RAPGEF1: variants seen among roughly 807,000 people sequenced by gnomAD.
RAPGEF1 encodes the protein Rap guanine nucleotide exchange factor 1.
A neutral mutation model predicts 143.3 loss-of-function variants in RAPGEF1; 33 were observed. The observed-to-expected ratio is 0.23, with a 90% confidence interval of 0.17 to 0.31. The LOEUF is 0.31. RAPGEF1 is among the 10% of genes least tolerant of loss of function. RAPGEF1 has a pLI of 1.00. For synonymous variants in RAPGEF1, 629 were observed against 676.5 expected (o/e 0.93, Z 1.09); for missense variants, 1,199 against 1,645.4 (o/e 0.73, Z 4.69).
intron 1 of RAPGEF1, among the ~76,000 whole-genome samples, chr9:131,706,335 T>A (rs1232251718): frequency 1.3e-5 from 2 of 152,068 alleles, no homozygotes; most frequent in Non-Finnish European, 2.9e-5. Context: ...CAATCTTGAC[T>A]CACTGCAACC....
chr9:131,610,835 G>A (rs1404286318), intron 12 of RAPGEF1, among the ~76,000 whole-genome samples: 1 of 152,188 alleles, frequency 6.6e-6, no homozygotes, highest in African/African-American at 2.4e-5. Flanking sequence ...TGTCTGGGGA[G>A]AAAAGCTTAT....
intron 6 of RAPGEF1, among the ~76,000 whole-genome samples, chr9:131,629,792 C>CA (rs1207993452): frequency 1.7e-3 from 245 of 146,440 alleles, no homozygotes; most frequent in African/African-American, 4.7e-3. Context: ...GTCTCAAAAA[C>CA]AAAAAAAAAA....
intron 1 of RAPGEF1, among the ~76,000 whole-genome samples, chr9:131,701,515 G>A (rs907839039): frequency 2.6e-5 from 4 of 152,132 alleles, no homozygotes; most frequent in African/African-American, 9.7e-5. Flanking sequence ...TGGCAAATAG[G>A]AAGCCACTGG....
chr9:131,596,510 CAGG>C, intron 16 of RAPGEF1, 137 bp from the exon 17 acceptor site: 1 of 872,724 alleles, frequency 1.1e-6, no homozygotes, highest in Admixed American at 2.1e-5. Context: ...CTCCTCGGCC[CAGG>C]AGCAGTGTGG....
At chr9:131,618,271 A>G (rs1252180155) in intron 12 of RAPGEF1, among the ~76,000 whole-genome samples, 1 of 152,258 alleles carries the variant, frequency 6.6e-6, no homozygotes, top group Non-Finnish European at 1.5e-5. Flanking sequence ...TGGAAGTGAC[A>G]GACTACATGG....
rs938711912 is a variant in RAPGEF1 at position 131,628,764 on chromosome 9, T to C, written c.894-92A>G. ...GGGTACAGGATGTGGGGTTCTTTCA[T>C]TACTAGACTCTCCACACCCAATGTT... On this transcript the variant is annotated intron_variant, in intron 7 of 26. Transcript: ENST00000683357. The surrounding 1 kb of genome is among the most constrained non-coding windows in gnomAD (Gnocchi z 5.7). 1.2e-5 allele frequency: 17 copies of C among 1,468,612 alleles called. No homozygotes were observed. Among genetic ancestry groups the C allele is most frequent in the East Asian group, 2.3e-5 (1 of 43,398 alleles). 91.0% of individuals were successfully genotyped at this position (1,468,612 alleles called of 1,614,324 possible).
intron 12 of RAPGEF1, among the ~76,000 whole-genome samples, chr9:131,607,495 C>G (rs1028096645): frequency 1.4e-4 from 21 of 152,184 alleles, no homozygotes; most frequent in African/African-American, 5.1e-4. Flanking sequence ...TGCCTGCACA[C>G]AGCAAGCCTC....
chr9:131,597,019 C>A (rs1955419877), intron 16 of RAPGEF1, among the ~76,000 whole-genome samples: 1 of 152,200 alleles, frequency 6.6e-6, no homozygotes, highest in Admixed American at 6.5e-5. Context: ...AGTCTTGCTT[C>A]CATGTGGGCA....
chr9:131,669,446 C>T (rs1258147151), intron 1 of RAPGEF1, among the ~76,000 whole-genome samples: 4 of 152,098 alleles, frequency 2.6e-5, no homozygotes, highest in East Asian at 1.9e-4. Context: ...TCAGACACTG[C>T]GTGGCATCCT....
At chr9:131,689,587 G>A (rs932785210) in intron 1 of RAPGEF1, among the ~76,000 whole-genome samples, 1 of 151,324 alleles carries the variant, frequency 6.6e-6, no homozygotes, top group Non-Finnish European at 1.5e-5. Context: ...TGCCCAGGCT[G>A]AAGTGCAGTG....
At chr9:131,721,109 A>G (rs1836232342) in intron 1 of RAPGEF1, among the ~76,000 whole-genome samples, 1 of 152,166 alleles carries the variant, frequency 6.6e-6, no homozygotes, top group South Asian at 2.1e-4. Context: ...CGCAGACTCC[A>G]TGGACTTGAC....
chr9:131,635,137 C>T (rs1050173269), intron 5 of RAPGEF1, among the ~76,000 whole-genome samples: 1 of 152,100 alleles, frequency 6.6e-6, no homozygotes, highest in Non-Finnish European at 1.5e-5. Context: ...CACTGTGAGC[C>T]GTTAGAAATG....
intron 10 of RAPGEF1, among the ~76,000 whole-genome samples, chr9:131,622,353 G>A (rs1362730516): frequency 1.3e-5 from 2 of 152,220 alleles, no homozygotes; most frequent in African/African-American, 4.8e-5. Context: ...GCTGCCAGGT[G>A]GAGCTGAGAT....
rs1486703522 is a variant in RAPGEF1, at chr9:131,578,100, T to C, written c.*1397A>G. On this transcript the variant is annotated 3_prime_UTR_variant, in exon 27 of 27. Coordinates refer to ENST00000683357, the MANE Select transcript of RAPGEF1 (RefSeq NM_001377935.1). ...TAAACCCGGGACAAGTGAGCACTCA[T>C]TCATGCACAGCAGACCCGGAGGCAT... 1 of 149,930 alleles carries C rather than the reference T, an allele frequency of 6.7e-6. No homozygotes were observed. Among genetic ancestry groups the C allele is most frequent in the African/African-American group, 2.5e-5 (1 of 39,220 alleles). The allele number at this position is 149,930 out of a possible 1,614,324, so 9.3% of individuals were successfully genotyped here.
At chr9:131,686,947 T>C (rs1833398233) in intron 1 of RAPGEF1, among the ~76,000 whole-genome samples, 1 of 152,192 alleles carries the variant, frequency 6.6e-6, no homozygotes, top group Admixed American at 6.5e-5. Flanking sequence ...AAATGGAAGA[T>C]CTAAAATAAG....
At chr9:131,729,965 C>T (rs367976350) in intron 1 of RAPGEF1, among the ~76,000 whole-genome samples, 3 of 151,948 alleles carry the variant, frequency 2.0e-5, no homozygotes, top group Admixed American at 6.6e-5. Flanking sequence ...GAGGCCGAGG[C>T]GGGCAGATCA....
rs148152092 is a variant in RAPGEF1, at chr9:131,666,952, G to A, written c.62-16003C>T. 1.3e-3 allele frequency among the ~76,000 whole-genome samples: 192 copies of A among 152,262 alleles called. 2 individuals are homozygous for A. Among genetic ancestry groups the A allele is most frequent in the African/African-American group, 4.5e-3 (186 of 41,552 alleles). ...TTGGATCTGCCTGCTTCAGGGTGGA[G>A]TGCTGAGGTCTTGAAGGTGGCACTT... is the stretch of plus-strand genomic sequence containing the variant. On this transcript the variant is annotated intron_variant, in intron 1 of 26. Coordinates refer to ENST00000683357, the MANE Select transcript of RAPGEF1 (RefSeq NM_001377935.1).
chr9:131,632,672 G>T (rs1159176313), intron 5 of RAPGEF1, among the ~76,000 whole-genome samples: 1 of 152,156 alleles, frequency 6.6e-6, no homozygotes, highest in East Asian at 1.9e-4. Context: ...GTCACAACAA[G>T]AATATGCACT....
intron 10 of RAPGEF1, among the ~76,000 whole-genome samples, chr9:131,625,594 C>T (rs1265495928): frequency 1.3e-5 from 2 of 152,188 alleles, no homozygotes; most frequent in African/African-American, 4.8e-5. Context: ...TGCTGTCCTG[C>T]GTGCCAGGAC....
Sources: gnomAD v4.1 joint callset for allele counts (sites outside exome capture counted in the v4.1 genomes callset) on GRCh38, gnomAD v4.1.1 for gene constraint, Gnocchi (gnomAD v3.1) non-coding constraint, MANE v1.5 for transcripts, NCBI Gene and HGNC (gene_info 2026-07-23, HGNC 2026-07-21) for gene names.